The following SNX25 variants were observed in gnomAD, a reference collection of about 807,000 sequenced individuals.
SNX25 encodes sorting nexin 25, also known as sorting nexin-25.
In SNX25, 62 loss-of-function variants were observed where a neutral mutation model predicts 113.7. That is an observed-to-expected ratio of 0.55 (90% CI 0.44 to 0.67). The LOEUF (loss-of-function observed/expected upper bound fraction) is 0.67, where lower values mean the gene tolerates loss of function less well. SNX25 is among the 30% of genes least tolerant of loss of function. The pLI is 0.00. For missense variants in SNX25, 1,014 were observed against 1,161.0 expected (o/e 0.87, Z 1.84); for synonymous variants, 421 against 436.2 (o/e 0.97, Z 0.43).
At chr4:185,259,224 A>AT (rs565329633) in intron 3 of SNX25, among the ~76,000 whole-genome samples, 160 bp downstream of exon 3, 519 of 146,652 alleles carry the variant, frequency 3.5e-3, no homozygotes, top group African/African-American at 9.3e-3. Flanking sequence ...CTGGTAGAGT[A>AT]TTTTTTTTTT....
chr4:185,362,990 G>GC, intron 18 of SNX25, among the ~76,000 whole-genome samples: 1 of 152,154 alleles, frequency 6.6e-6, no homozygotes, highest in South Asian at 2.1e-4. Flanking sequence ...TTACAGGCAT[G>GC]CACTACCATG....
intron 7 of SNX25, among the ~76,000 whole-genome samples, chr4:185,311,615 T>C (rs2126666774): frequency 6.6e-6 from 1 of 152,296 alleles, no homozygotes; most frequent in East Asian, 1.9e-4. Flanking sequence ...AATGTGTCCT[T>C]TAGCTACAAA....
chr4:185,332,704 A>G lies in SNX25; in HGVS notation c.1859A>G (p.Glu620Gly), dbSNP rs536034264. The change falls in exon 10 of 19, where the codon GAA becomes GGA. Residue 620 changes from glutamate to glycine, a missense_variant. Physicochemically the swap from Glu to Gly is moderately conservative, Grantham distance 98. Transcript: ENST00000652585. ...NKLRELNEKL[E>G]YKRQALNSIQ... ...CTGCGAGAACTAAATGAGAAACTTG[A>G]ATATAAAAGGCAAGCTCTAAATTCT... is the stretch of plus-strand genomic sequence containing the variant. 6.2e-7 allele frequency: 1 copy of G among 1,614,102 alleles called. No individual in the cohort carries two copies. Among genetic ancestry groups the G allele is most frequent in the East Asian group, 2.2e-5 (1 of 44,876 alleles).
At chr4:185,273,980 G>T (rs1409157200) in intron 5 of SNX25, among the ~76,000 whole-genome samples, 2 of 151,834 alleles carry the variant, frequency 1.3e-5, no homozygotes, top group African/African-American at 2.4e-5. Context: ...GTCCAGGGTG[G>T]ATTCTAGAAT....
intron 1 of SNX25, among the ~76,000 whole-genome samples, chr4:185,228,049 A>T (rs1476070231): frequency 2.6e-5 from 4 of 152,126 alleles, no homozygotes; most frequent in Admixed American, 6.5e-5. Context: ...GGGAGGACCG[A>T]GGGTGTGCCC....
chr4:185,270,484 A>T (rs1748768919), intron 5 of SNX25, among the ~76,000 whole-genome samples: 1 of 152,258 alleles, frequency 6.6e-6, no homozygotes, highest in South Asian at 2.1e-4. Flanking sequence ...GAGGGACTTA[A>T]GAGGCAGTAG....
intron 4 of SNX25, among the ~76,000 whole-genome samples, chr4:185,266,753 T>A (rs1748148422): frequency 6.6e-6 from 1 of 152,286 alleles, no homozygotes. Flanking sequence ...AATGACAACT[T>A]GATTATAGCC....
At chr4:185,322,802 T>C (rs2095130407) in intron 8 of SNX25, among the ~76,000 whole-genome samples, 1 of 152,202 alleles carries the variant, frequency 6.6e-6, no homozygotes, top group South Asian at 2.1e-4. Context: ...GAAATAGCCT[T>C]ATTTTGATCT....
chr4:185,371,362 A>AT (rs1187324542), downstream of SNX25, among the ~76,000 whole-genome samples: 1 of 151,828 alleles, frequency 6.6e-6, no homozygotes, highest in East Asian at 1.9e-4. Context: ...ACATGGTGAA[A>AT]CCCCGTCTCT....
At chr4:185,318,251 C>A (rs1403691944) in intron 7 of SNX25, among the ~76,000 whole-genome samples, 1 of 152,074 alleles carries the variant, frequency 6.6e-6, no homozygotes, top group Non-Finnish European at 1.5e-5. Flanking sequence ...CATTTGAATT[C>A]TACTAATTGC....
chr4:185,223,197 A>T (rs1299683045), intron 1 of SNX25, among the ~76,000 whole-genome samples: 2 of 152,128 alleles, frequency 1.3e-5, no homozygotes, highest in Admixed American at 1.3e-4. Context: ...TATAGGAATC[A>T]CTTCCTTGCA....
intron 5 of SNX25, among the ~76,000 whole-genome samples, chr4:185,268,999 T>TGG: frequency 6.6e-6 from 1 of 152,346 alleles, no homozygotes; most frequent in Non-Finnish European, 1.5e-5. Flanking sequence ...CATGCATAAT[T>TGG]TTGAATAGAC....
chr4:185,275,198 G>A (rs371192209), intron 5 of SNX25, among the ~76,000 whole-genome samples: 10 of 152,128 alleles, frequency 6.6e-5, no homozygotes, highest in East Asian at 5.8e-4. Context: ...GTCTTTATTC[G>A]ATGTTTCAGT....
At chr4:185,212,947 ATCCT>A (rs1738185896) in intron 1 of SNX25, among the ~76,000 whole-genome samples, 1 of 152,212 alleles carries the variant, frequency 6.6e-6, no homozygotes, top group Non-Finnish European at 1.5e-5. Context: ...CTAGCTGTAT[ATCCT>A]TCCTTCCCTT....
At chr4:185,306,560 A>G (rs1352973137) in intron 6 of SNX25, among the ~76,000 whole-genome samples, 2 of 152,172 alleles carry the variant, frequency 1.3e-5, no homozygotes, top group Non-Finnish European at 2.9e-5. Flanking sequence ...AAAGAATGTA[A>G]TGGTTGGTAA....
intron 7 of SNX25, among the ~76,000 whole-genome samples, chr4:185,317,027 T>C (rs146851871): frequency 2.7e-4 from 41 of 152,326 alleles, no homozygotes; most frequent in African/African-American, 9.1e-4. Context: ...AGAAAATGCC[T>C]TCCCTGGCAG....
At chr4:185,367,760 T>C (rs1267608489), downstream of SNX25, among the ~76,000 whole-genome samples, 1 of 152,172 alleles carries the variant, frequency 6.6e-6, no homozygotes, top group Admixed American at 6.5e-5. Context: ...CCCACGACAG[T>C]TGGTCACTAG....
At chr4:185,237,741 T>C (rs3108283) in intron 1 of SNX25, among the ~76,000 whole-genome samples, 98,407 of 151,254 alleles carry the variant, frequency 0.65, 32,141 homozygotes, top group East Asian at 0.75. Context: ...TTCATGACTT[T>C]TTTTTTTGGT....
chr4:185,273,561 A>C (rs1471730295), intron 5 of SNX25, among the ~76,000 whole-genome samples: 2 of 152,172 alleles, frequency 1.3e-5, no homozygotes, highest in African/African-American at 4.8e-5. Flanking sequence ...ATCAACTCTT[A>C]GCAAATTTCG....
Sources: gnomAD v4.1 joint callset for allele counts (sites outside exome capture counted in the v4.1 genomes callset) on GRCh38, gnomAD v4.1.1 for gene constraint, MANE v1.5 for transcripts, NCBI Gene and HGNC (gene_info 2026-07-23, HGNC 2026-07-21) for gene names.